RBFOX1: variants seen among roughly 807,000 people sequenced by gnomAD.
RBFOX1 encodes RNA binding protein fox-1 homolog 1.
In RBFOX1, 8 loss-of-function variants were observed where a neutral mutation model predicts 57.7. The ratio of observed to expected loss-of-function variants is 0.14; its 90% CI spans 0.08 to 0.25. The LOEUF (loss-of-function observed/expected upper bound fraction) is 0.25. RBFOX1 is among the 10% of genes least tolerant of loss of function. The pLI, the probability that RBFOX1 is intolerant of heterozygous loss-of-function variation, is 1.00. For synonymous variants in RBFOX1, 326 were observed against 222.4 expected, an observed-to-expected ratio of 1.47 and a Z score of -4.15; for missense variants, 611 against 548.5, an observed-to-expected ratio of 1.11 and a Z score of -1.14.
intron 3 of RBFOX1, among the ~76,000 whole-genome samples, chr16:6,897,573 C>G (rs1449434241): frequency 6.6e-6 from 1 of 152,168 alleles, no homozygotes; most frequent in African/African-American, 2.4e-5. Context: ...GCGGGCGGAT[C>G]ACTTGAGGTC....
intron 2 of RBFOX1, among the ~76,000 whole-genome samples, chr16:6,647,930 C>T (rs35238491): frequency 0.22 from 33,505 of 152,098 alleles, 3,791 homozygotes; most frequent in African/African-American, 0.27. Context: ...CAACATCAGT[C>T]TACAGGGTTT....
At chr16:7,021,803 G>T (rs2039209599) in intron 3 of RBFOX1, among the ~76,000 whole-genome samples, 1 of 150,936 alleles carries the variant, frequency 6.6e-6, no homozygotes, top group South Asian at 2.1e-4. Flanking sequence ...TGCTTGAAAA[G>T]CCTTTATAGA....
chr16:6,884,946 C>T lies in RBFOX1; in HGVS notation c.-15-167111C>T, dbSNP rs11864088. Among the ~76,000 whole-genome samples the T allele has an allele frequency of 3.8e-3, 576 of 152,218 alleles. 4 individuals are homozygous for T. Among genetic ancestry groups the T allele is most frequent in the East Asian group, 0.014 (72 of 5,188 alleles). On this transcript the variant is annotated intron_variant, in intron 3 of 15. Transcript: ENST00000550418. ...ACCCTGCAAATATTAAGTGTTAAAT[C>T]GTAAAACTGAGACCGCAACCCAGAT...
intron 2 of RBFOX1, among the ~76,000 whole-genome samples, chr16:6,497,836 C>T (rs777522511): frequency 6.6e-6 from 1 of 152,014 alleles, no homozygotes; most frequent in Non-Finnish European, 1.5e-5. Flanking sequence ...GTATTACAGG[C>T]GTGAGTCACC....
At chr16:7,457,787 C>G (rs1357184681) in intron 4 of RBFOX1, among the ~76,000 whole-genome samples, 1 of 151,936 alleles carries the variant, frequency 6.6e-6, no homozygotes, top group African/African-American at 2.4e-5. Flanking sequence ...TTACGAGCAT[C>G]TAGCCTCACA....
intron 3 of RBFOX1, among the ~76,000 whole-genome samples, chr16:6,925,580 T>C (rs928369891): frequency 3.3e-5 from 5 of 152,094 alleles, no homozygotes; most frequent in Non-Finnish European, 7.4e-5. Flanking sequence ...TTAAGACTAG[T>C]TGGTGGCATA....
intron 3 of RBFOX1, among the ~76,000 whole-genome samples, chr16:5,656,623 T>G (rs900362959): frequency 1.1e-4 from 17 of 152,348 alleles, no homozygotes; most frequent in African/African-American, 3.8e-4. Context: ...TTTAGTTTCA[T>G]GTAAATTAAG....
At chr16:7,082,861 G>A (rs2059414420) in intron 4 of RBFOX1, among the ~76,000 whole-genome samples, 1 of 152,150 alleles carries the variant, frequency 6.6e-6, no homozygotes, top group African/African-American at 2.4e-5. Context: ...GTGTTGAGTT[G>A]ATAACTGATA....
intron 1 of RBFOX1, among the ~76,000 whole-genome samples, chr16:5,416,835 G>A (rs1346836415): frequency 6.6e-6 from 1 of 152,144 alleles, no homozygotes. Flanking sequence ...TCTACATTCA[G>A]TAAGAGGAGG....
intron 3 of RBFOX1, among the ~76,000 whole-genome samples, chr16:5,606,133 T>C (rs1160286714): frequency 6.6e-6 from 1 of 152,180 alleles, no homozygotes; most frequent in African/African-American, 2.4e-5. Context: ...TTCTGACATA[T>C]TTCAGCAGCT....
intron 4 of RBFOX1, among the ~76,000 whole-genome samples, chr16:7,378,032 T>C (rs528590292): frequency 3.0e-4 from 45 of 152,310 alleles, no homozygotes; most frequent in Admixed American, 2.6e-3. Flanking sequence ...AAGCTTGACA[T>C]GTCTGAAGAA....
chr16:7,439,949 C>CTTTT (rs144449326), intron 4 of RBFOX1, among the ~76,000 whole-genome samples: 45 of 94,008 alleles, frequency 4.8e-4, no homozygotes, highest in Non-Finnish European at 8.7e-4. Flanking sequence ...TCTTTTCTTT[C>CTTTT]TTTTTTTTTT....
chr16:7,070,877 T>G (rs980800209), intron 4 of RBFOX1, among the ~76,000 whole-genome samples: 2 of 152,156 alleles, frequency 1.3e-5, no homozygotes, highest in Non-Finnish European at 2.9e-5. Context: ...AAACCAGCAC[T>G]GACAAGACTG....
chr16:6,889,863 G>C (rs2065009326), intron 3 of RBFOX1, among the ~76,000 whole-genome samples: 1 of 152,174 alleles, frequency 6.6e-6, no homozygotes, highest in African/African-American at 2.4e-5. Context: ...ATCATAGGGT[G>C]GAGAAAGTTT....
chr16:5,258,086 C>G (rs1158483205), intron 1 of RBFOX1, among the ~76,000 whole-genome samples: 1 of 152,092 alleles, frequency 6.6e-6, no homozygotes, highest in Non-Finnish European at 1.5e-5. Context: ...ACCATGTTGC[C>G]TAGGCTGGTC....
At chr16:6,454,050 C>T (rs935626380) in intron 2 of RBFOX1, among the ~76,000 whole-genome samples, 2 of 152,178 alleles carry the variant, frequency 1.3e-5, no homozygotes, top group African/African-American at 4.8e-5. Context: ...TTCACATGGT[C>T]TTTCTGTGTC....
chr16:5,861,639 T>C (rs1188396038), intron 3 of RBFOX1, among the ~76,000 whole-genome samples: 1 of 152,170 alleles, frequency 6.6e-6, no homozygotes, highest in Non-Finnish European at 1.5e-5. Context: ...CCTTCACCCA[T>C]AGGACTCCCC....
chr16:6,213,366 G>C (rs951512108), intron 1 of RBFOX1, among the ~76,000 whole-genome samples: 75 of 152,144 alleles, frequency 4.9e-4, no homozygotes, highest in Non-Finnish European at 9.9e-4. Flanking sequence ...CCTTCAGTGG[G>C]TAACAGATTT....
At chr16:7,504,104 G>A (rs905020732) in intron 4 of RBFOX1, among the ~76,000 whole-genome samples, 2 of 152,108 alleles carry the variant, frequency 1.3e-5, no homozygotes, top group African/African-American at 4.8e-5. Flanking sequence ...CATAGGCTAG[G>A]CTCTGGGTTC....
Sources: gnomAD v4.1 joint callset for allele counts (sites outside exome capture counted in the v4.1 genomes callset) on GRCh38, gnomAD v4.1.1 for gene constraint, MANE v1.5 for transcripts, NCBI Gene and HGNC (gene_info 2026-07-23, HGNC 2026-07-21) for gene names.